The following CCM2L variants were observed in gnomAD, a reference collection of about 807,000 sequenced individuals.
The protein encoded by CCM2L is cerebral cavernous malformations 2 protein-like.
Under a neutral mutation model 54.1 loss-of-function variants are expected in CCM2L, and 36 were observed. That is an observed-to-expected ratio of 0.67 (90% CI 0.51 to 0.88). CCM2L has a LOEUF of 0.88. CCM2L is among the 40% of genes least tolerant of loss of function. The probability of loss-of-function intolerance (pLI) is 0.00; values close to 1 mark genes in which losing one functional copy is unlikely to be tolerated. For synonymous variants in CCM2L, 351 were observed against 359.3 expected (o/e 0.98, Z 0.26); for missense variants, 700 against 812.1 (o/e 0.86, Z 1.68).
chr20:32,019,109 C>A lies in CCM2L; in HGVS notation c.633C>A (p.Ala211=). ...GGCGGATGGGGTGGGGTGGGGGCGCCGCGGAGGCCCGGGCCGGGGGAGGCG... is the reference window on the plus strand; with the variant it reads ...GGCGGATGGGGTGGGGTGGGGGCGCAGCGGAGGCCCGGGCCGGGGGAGGCG... The part of the protein sequence containing the change: ...LDWRMGWGGG[A]AEARAGGGGG... The change falls in exon 5 of 10, where the codon GCC becomes GCA. Residue 211 remains alanine (A), a synonymous_variant. Transcript: ENST00000452892. 8.6e-7 allele frequency: 1 copy of A among 1,169,212 alleles called. No individual in the cohort carries two copies. The highest frequency in any genetic ancestry group is 1.1e-6 in the Non-Finnish European group (1 of 947,758). The allele number at this position is 1,169,212 out of a possible 1,614,324, so 72.4% of individuals were successfully genotyped here. A position where few individuals can be genotyped will look rare whatever the true frequency, so the allele number is the denominator to read the frequency against.
rs529942324 is a variant in CCM2L, at chr20:32,028,985, G to A, written c.1134-10G>A. On this transcript the variant is annotated splice_polypyrimidine_tract_variant and intron_variant, in intron 7 of 9. Transcript: ENST00000452892. ...GAGGCGAGTGAAGGCCCTTCTTCCC[G>A]TGCCTGCAGTAATGGCTCCCAGGAC... The A allele has an allele frequency of 2.9e-5, 47 of 1,613,804 alleles. No homozygotes were observed. The highest frequency in any genetic ancestry group is 5.0e-5 in the Admixed American group (3 of 59,994).
chr20:32,016,673 ATTG>A (rs923351872), intron 2 of CCM2L, among the ~76,000 whole-genome samples: 85 of 152,238 alleles, frequency 5.6e-4, no homozygotes, highest in African/African-American at 1.9e-3. Flanking sequence ...CCCGCCAAAA[ATTG>A]TTGTTTTCAA....
At chr20:32,026,495 A>G (rs1458380671) in intron 7 of CCM2L, among the ~76,000 whole-genome samples, 1 of 152,100 alleles carries the variant, frequency 6.6e-6, no homozygotes, top group Non-Finnish European at 1.5e-5. Flanking sequence ...TTCCCACCTG[A>G]TGACTTCTGC....
intron 2 of CCM2L, among the ~76,000 whole-genome samples, chr20:32,017,321 T>G (rs954833074): frequency 1.3e-5 from 2 of 152,334 alleles, no homozygotes; most frequent in East Asian, 3.9e-4. Flanking sequence ...GGAAGGCAAG[T>G]GATTTGCAAT....
chr20:32,020,214 CCGTA>C (rs1019696627), intron 5 of CCM2L, among the ~76,000 whole-genome samples: 2 of 152,198 alleles, frequency 1.3e-5, no homozygotes, highest in Non-Finnish European at 2.9e-5. Flanking sequence ...CCAGATCCCT[CCGTA>C]TAAAAACAGT....
chr20:32,020,520 A>C (rs771079290), intron 5 of CCM2L, among the ~76,000 whole-genome samples: 17 of 152,082 alleles, frequency 1.1e-4, no homozygotes, highest in Admixed American at 7.9e-4. Flanking sequence ...AACACATCCA[A>C]AACTGAGCTC....
chr20:32,022,879 G>A (rs1416282768), intron 6 of CCM2L, 84 bp downstream of exon 6: 42 of 1,502,640 alleles, frequency 2.8e-5, no homozygotes, highest in Non-Finnish European at 3.8e-5. Context: ...GACTTGGGCT[G>A]ATGAAGGTAT....
chr20:32,014,864 C>A, intron 1 of CCM2L, 40 bp from the exon 2 acceptor site: 2 of 1,533,332 alleles, frequency 1.3e-6, no homozygotes, highest in Non-Finnish European at 1.8e-6. Context: ...TCAATAAAAG[C>A]AGCCACTGTT....
At chr20:32,025,047 CTCTT>C (rs71674812) in intron 6 of CCM2L, among the ~76,000 whole-genome samples, 11,356 of 151,016 alleles carry the variant, frequency 0.075, 484 homozygotes, top group African/African-American at 0.088. Context: ...GTTTCTTCCT[CTCTT>C]TCTTCTTCTT....
chr20:32,023,604 A>G (rs1160682958), intron 6 of CCM2L, among the ~76,000 whole-genome samples: 1 of 152,240 alleles, frequency 6.6e-6, no homozygotes, highest in African/African-American at 2.4e-5. Flanking sequence ...CCTCTTTGTC[A>G]CTGTATCCCC....
chr20:32,019,100 T>C lies in CCM2L; in HGVS notation c.624T>C (p.Gly208=). The C allele has an allele frequency of 1.7e-6, 2 of 1,167,152 alleles. No individual in the cohort carries two copies. Among genetic ancestry groups the C allele is most frequent in the Non-Finnish European group, 2.1e-6 (2 of 949,300 alleles). The allele number at this position is 1,167,152 out of a possible 1,614,324, so 72.3% of individuals were successfully genotyped here. A position where few individuals can be genotyped will look rare whatever the true frequency, so the allele number is the denominator to read the frequency against. Residue 208 remains glycine, a synonymous_variant, in exon 5 of 10, where the codon GGT becomes GGC. Transcript: ENST00000452892. ...GCCTGGACTGGCGGATGGGGTGGGGTGGGGGCGCCGCGGAGGCCCGGGCCG... is the reference window on the plus strand; with the variant it reads ...GCCTGGACTGGCGGATGGGGTGGGGCGGGGGCGCCGCGGAGGCCCGGGCCG... ...ICSLDWRMGW[G]GGAAEARAGG... is the part of the protein sequence containing the mutation.
At position 32,010,491 on chromosome 20, in the gene CCM2L, G is replaced by T. The variant is rs773729023; in HGVS notation, c.30+7G>T. Reference sequence around the variant, plus strand: ...AGTCAAGAAAGGGAAGAAGGTAGGTGGGAGGTTGGGAGGGACGAAGGGAGA... The same window carrying T: ...AGTCAAGAAAGGGAAGAAGGTAGGTTGGAGGTTGGGAGGGACGAAGGGAGA... On this transcript the variant is annotated splice_region_variant and intron_variant, in intron 1 of 9. Transcript: ENST00000452892. 14 of 1,550,258 alleles carry T rather than the reference G, an allele frequency of 9.0e-6. No individual in the cohort carries two copies. The highest frequency in any genetic ancestry group is 1.2e-5 in the Non-Finnish European group (14 of 1,146,708).
chr20:32,030,809 G>A (rs2064914982), intron 9 of CCM2L, among the ~76,000 whole-genome samples, 192 bp from the exon 10 acceptor site: 1 of 151,606 alleles, frequency 6.6e-6, no homozygotes, highest in Non-Finnish European at 1.5e-5. Flanking sequence ...AATCTAGTAT[G>A]TAGTGAGCAT....
At chr20:32,026,705 A>C (rs1472897251) in intron 7 of CCM2L, among the ~76,000 whole-genome samples, 3 of 152,104 alleles carry the variant, frequency 2.0e-5, no homozygotes, top group African/African-American at 7.2e-5. Context: ...GCGAAACCCC[A>C]TCTCCACCAA....
intron 1 of CCM2L, among the ~76,000 whole-genome samples, chr20:32,012,994 A>G (rs2064706773): frequency 6.6e-6 from 1 of 152,160 alleles, no homozygotes; most frequent in African/African-American, 2.4e-5. Flanking sequence ...AGAAGGCTTA[A>G]AAAAATCTTA....
chr20:32,030,288 T>C (rs2064909150), intron 9 of CCM2L, among the ~76,000 whole-genome samples: 1 of 152,168 alleles, frequency 6.6e-6, no homozygotes, highest in Non-Finnish European at 1.5e-5. Flanking sequence ...GAGAAGTAGA[T>C]ACTATTAATG....
chr20:32,014,714 G>C (rs1015693560), intron 1 of CCM2L, among the ~76,000 whole-genome samples, 190 bp from the exon 2 acceptor site: 1 of 152,196 alleles, frequency 6.6e-6, no homozygotes, highest in African/African-American at 2.4e-5. Flanking sequence ...ACCACTACTA[G>C]CTGGTGACTT....
intron 2 of CCM2L, 120 bp downstream of exon 2, chr20:32,015,191 A>C (rs1175952481): frequency 1.9e-6 from 2 of 1,055,484 alleles, no homozygotes; most frequent in East Asian, 6.0e-5. Flanking sequence ...CATTGGAAAG[A>C]GGCCTGGGTT....
chr20:32,016,522 G>C (rs1042291970), intron 2 of CCM2L, among the ~76,000 whole-genome samples: 6 of 152,058 alleles, frequency 3.9e-5, no homozygotes, highest in African/African-American at 1.4e-4. Flanking sequence ...TGGGTGTGGT[G>C]GTGGGTGCCT....
Sources: allele counts gnomAD v4.1 joint callset (sites outside exome capture counted in the v4.1 genomes callset), GRCh38; gene constraint gnomAD v4.1.1; transcripts MANE v1.5; gene names NCBI Gene and HGNC (gene_info 2026-07-23, HGNC 2026-07-21).